SLC30A3: variants seen among roughly 807,000 people sequenced by gnomAD.
The protein encoded by SLC30A3 is solute carrier family 30 member 3.
A neutral mutation model predicts 35.6 loss-of-function variants in SLC30A3; 20 were observed. That is an observed-to-expected ratio of 0.56 (90% CI 0.39 to 0.82). The LOEUF (loss-of-function observed/expected upper bound fraction) is 0.82, where lower values mean the gene tolerates loss of function less well. Among genes scored for constraint, SLC30A3 ranks in the 40% least tolerant of loss-of-function variants. The pLI, the probability that SLC30A3 is intolerant of heterozygous loss-of-function variation, is 0.00. For synonymous variants in SLC30A3, 217 were observed against 224.7 expected (o/e 0.97, Z 0.31); for missense variants, 401 against 530.6 (o/e 0.76, Z 2.40).
At chr2:27,272,398 C>T (rs1277966116) in intron 1 of SLC30A3, among the ~76,000 whole-genome samples, 6 of 152,090 alleles carry the variant, frequency 3.9e-5, no homozygotes, top group African/African-American at 9.7e-5. Context: ...CATTCACTCA[C>T]GTGAGCCAGG....
Position 27,258,027 on chromosome 2 carries a change from G to C in SLC30A3, c.456C>G (p.Ser152=). The change falls in exon 4 of 8, where the codon TCC becomes TCG. Residue 152 remains serine (S), a synonymous_variant. Transcript: ENST00000233535. The surrounding 1 kb of genome is among the most constrained non-coding windows in gnomAD (Gnocchi z 4.0). ...GGAGGATGCCAGTGACCATCCAGAG[G>C]GAGACCACAGAGGCCAAAGCCCCCA... ...ETLGALASVV[S]LWMVTGILLY... 1 of 1,614,176 alleles carries C rather than the reference G, an allele frequency of 6.2e-7. No homozygotes were observed. Among genetic ancestry groups the C allele is most frequent in the Non-Finnish European group, 8.5e-7 (1 of 1,180,006 alleles).
Position 27,253,997 on chromosome 2 carries a change from C to G in SLC30A3, c.*1315G>C, listed in dbSNP as rs1676712106. On this transcript the variant is annotated 3_prime_UTR_variant, in exon 8 of 8. Coordinates refer to ENST00000233535, the MANE Select transcript of SLC30A3 (RefSeq NM_003459.5). ...TGATTTTTTTTAAAGAGAAAATCAA[C>G]AATCCCTTAATGAGCCTGATTTTAA... is the stretch of plus-strand genomic sequence containing the variant. The G allele has an allele frequency of 6.6e-6, 1 of 152,184 alleles. No individual in the cohort carries two copies. The highest frequency in any genetic ancestry group is 1.5e-5 in the Non-Finnish European group (1 of 68,038). The allele number at this position is 152,184 out of a possible 1,614,324, so 9.4% of individuals were successfully genotyped here.
At chr2:27,268,314 A>G (rs1449731693) in intron 1 of SLC30A3, among the ~76,000 whole-genome samples, 4 of 152,356 alleles carry the variant, frequency 2.6e-5, no homozygotes, top group South Asian at 4.1e-4. Context: ...TACTAGGCAT[A>G]TATCAGTGCT....
intron 1 of SLC30A3, among the ~76,000 whole-genome samples, chr2:27,261,092 G>T (rs1333949353): frequency 1.3e-5 from 2 of 152,214 alleles, no homozygotes; most frequent in Non-Finnish European, 2.9e-5. Flanking sequence ...TATGTTTAAG[G>T]AGATGAGACC....
chr2:27,269,806 C>T (rs113353646), intron 1 of SLC30A3, among the ~76,000 whole-genome samples: 36,802 of 151,432 alleles, frequency 0.24, 4,746 homozygotes, highest in Admixed American at 0.36. Flanking sequence ...TGCAGTGAGC[C>T]GAGACCATGC....
Position 27,262,678 on chromosome 2 carries a change from C to T in SLC30A3, c.95+134G>A, listed in dbSNP as rs1228640100. 9.6e-6 allele frequency: 8 copies of T among 832,804 alleles called. No homozygotes were observed. The highest frequency in any genetic ancestry group is 3.5e-6 in the Non-Finnish European group (2 of 569,780). 51.6% of individuals were successfully genotyped at this position (832,804 alleles called of 1,614,324 possible). On this transcript the variant is annotated intron_variant, in intron 1 of 7. Coordinates refer to ENST00000233535, the MANE Select transcript of SLC30A3 (RefSeq NM_003459.5). The surrounding 1 kb of genome is among the most constrained non-coding windows in gnomAD (Gnocchi z 7.5). ...CTCCGTGTGGCCAGAGGGGATGAAG[C>T]GGGGTGCAGCGGAGCGAGGGACCCG... is the stretch of plus-strand genomic sequence containing the variant.
Position 27,258,646 on chromosome 2 carries a change from AT to A in SLC30A3, c.277+106del. On this transcript the variant is annotated intron_variant, in intron 2 of 7. Transcript: ENST00000233535. This position sits in a 1 kb window ranked among gnomAD's most constrained non-coding sequence, Gnocchi z 4.0. ...GGCACCCAGCTCCCCTATCCCAGCC[AT>A]CCCCATCTCTGCATCTGCACCCAGG... 8.0e-7 allele frequency: 1 copy of A among 1,247,462 alleles called. No homozygotes were observed. Among genetic ancestry groups the A allele is most frequent in the Non-Finnish European group, 1.1e-6 (1 of 871,118 alleles). The allele number at this position is 1,247,462 out of a possible 1,614,324, so 77.3% of individuals were successfully genotyped here. A position where few individuals can be genotyped will look rare whatever the true frequency, so the allele number is the denominator to read the frequency against.
intron 1 of SLC30A3, among the ~76,000 whole-genome samples, chr2:27,269,812 C>A (rs1346544082): frequency 6.6e-6 from 1 of 151,886 alleles, no homozygotes; most frequent in Non-Finnish European, 1.5e-5. Flanking sequence ...GAGCCGAGAC[C>A]ATGCCACTCT....
chr2:27,273,315 C>A (rs936859934), intron 1 of SLC30A3, among the ~76,000 whole-genome samples: 42 of 152,128 alleles, frequency 2.8e-4, no homozygotes, highest in African/African-American at 1.0e-3. Context: ...AAGAGGAAAG[C>A]GGTGGAGCAG....
intron 1 of SLC30A3, among the ~76,000 whole-genome samples, chr2:27,272,354 C>T (rs917747502): frequency 1.3e-5 from 2 of 152,170 alleles, no homozygotes; most frequent in Non-Finnish European, 1.5e-5. Flanking sequence ...GATCAGCAGA[C>T]GGCCCTCAGC....
At chr2:27,264,566 G>A (rs371351601), upstream of SLC30A3, among the ~76,000 whole-genome samples, 1 of 152,186 alleles carries the variant, frequency 6.6e-6, no homozygotes, top group Non-Finnish European at 1.5e-5. The surrounding 1 kb of genome is among the most constrained non-coding windows in gnomAD (Gnocchi z 6.1). Flanking sequence ...GCTGCAGAGC[G>A]GCACGGGAGA....
In SLC30A3 at chr2:27,255,415, C is replaced by T. The variant is rs768942554; in HGVS notation, c.1064G>A (p.Arg355Gln). 34 of 1,613,808 alleles carry T rather than the reference C, an allele frequency of 2.1e-5. No individual in the cohort carries two copies. The highest frequency in any genetic ancestry group is 5.3e-5 in the African/African-American group (4 of 74,862). ...GGAGAATCCAAACCGGGAGTAGAGC[C>T]GGGATGAGGCTTCAGCCAGGACGGC... ...PEAVLAEASS[R>Q]LYSRFGFSSC... The change falls in exon 8 of 8, where the codon CGG becomes CAG. Residue 355 changes from arginine to glutamine, a missense_variant. Coordinates refer to ENST00000233535, the MANE Select transcript of SLC30A3 (RefSeq NM_003459.5). This position sits in a 1 kb window ranked among gnomAD's most constrained non-coding sequence, Gnocchi z 5.2.
rs371039560 is a variant in SLC30A3 at position 27,254,759 on chromosome 2, AAC to A, written c.*551_*552del. The A allele has an allele frequency of 0.068, 11,930 of 175,600 alleles. 321 individuals are homozygous for A. The highest frequency in any genetic ancestry group is 0.11 in the African/African-American group (4,597 of 40,042). 10.9% of individuals were successfully genotyped at this position (175,600 alleles called of 1,614,324 possible). On this transcript the variant is annotated 3_prime_UTR_variant, in exon 8 of 8. Transcript: ENST00000233535. ...GAGACACACAGGCCACAGCACCAAG[AAC>A]ACACACACACACACACACACACACA...
In SLC30A3 at chr2:27,254,795, C is replaced by G. The variant is rs1676743080; in HGVS notation, c.*517G>C. ...ACACACACACACACACACACACACA[C>G]ACACAGACAAAACCACAGGGCTAAG... On this transcript the variant is annotated 3_prime_UTR_variant, in exon 8 of 8. Transcript: ENST00000233535. 3.6e-6 allele frequency: 1 copy of G among 277,276 alleles called. No individual in the cohort carries two copies. Among genetic ancestry groups the G allele is most frequent in the South Asian group, 3.6e-5 (1 of 27,932 alleles). The allele number at this position is 277,276 out of a possible 1,614,324, so 17.2% of individuals were successfully genotyped here. A position where few individuals can be genotyped will look rare whatever the true frequency, so the allele number is the denominator to read the frequency against.
At chr2:27,263,076 C>A, upstream of SLC30A3, 1 of 1,350,744 alleles carries the variant, frequency 7.4e-7, no homozygotes. Context: ...ACTGCAGATC[C>A]CGCTGCCGCC....
At chr2:27,269,277 C>A (rs1401009691) in intron 1 of SLC30A3, among the ~76,000 whole-genome samples, 3 of 147,186 alleles carry the variant, frequency 2.0e-5, no homozygotes, top group African/African-American at 7.6e-5. Flanking sequence ...ACGATCTCGG[C>A]TCACTGCAAC....
chr2:27,263,173 G>A, upstream of SLC30A3: 1 of 1,133,368 alleles, frequency 8.8e-7, no homozygotes, highest in South Asian at 2.4e-5. Context: ...CGCCCCCACT[G>A]CCAAAGCCCC....
At position 27,254,759 on chromosome 2, in the gene SLC30A3, A is replaced by AAAC; in HGVS notation, c.*552_*553insGTT. ...GAGACACACAGGCCACAGCACCAAG[A>AAAC]ACACACACACACACACACACACACA... On this transcript the variant is annotated 3_prime_UTR_variant, in exon 8 of 8. Coordinates refer to ENST00000233535, the MANE Select transcript of SLC30A3 (RefSeq NM_003459.5). 5.7e-6 allele frequency: 1 copy of AAAC among 175,052 alleles called. No individual in the cohort carries two copies. The highest frequency in any genetic ancestry group is 1.8e-4 in the East Asian group (1 of 5,576). The allele number at this position is 175,052 out of a possible 1,614,324, so 10.8% of individuals were successfully genotyped here.
chr2:27,272,925 G>A (rs2148158936), intron 1 of SLC30A3, among the ~76,000 whole-genome samples: 1 of 151,566 alleles, frequency 6.6e-6, no homozygotes, highest in African/African-American at 2.4e-5. Flanking sequence ...GCTGGTGCAT[G>A]CCTTTAGTCC....
Sources: gnomAD v4.1 joint callset for allele counts (sites outside exome capture counted in the v4.1 genomes callset) on GRCh38, gnomAD v4.1.1 for gene constraint, Gnocchi (gnomAD v3.1) non-coding constraint, MANE v1.5 for transcripts, NCBI Gene and HGNC (gene_info 2026-07-23, HGNC 2026-07-21) for gene names.